The following RXFP1 variants were observed in gnomAD, a reference collection of about 807,000 sequenced individuals.
The protein encoded by RXFP1 is relaxin family peptide receptor 1.
Under a neutral mutation model 89.8 loss-of-function variants are expected in RXFP1, and 73 were observed. That is an observed-to-expected ratio of 0.81 (90% confidence interval 0.67 to 0.99). The LOEUF (loss-of-function observed/expected upper bound fraction) is 0.99, where lower values mean the gene tolerates loss of function less well. Among genes scored for constraint, RXFP1 ranks in the 50% least tolerant of loss-of-function variants. RXFP1 has a pLI of 0.00. For missense variants in RXFP1, 793 were observed against 895.5 expected (o/e 0.89, Z 1.46); for synonymous variants, 277 against 305.5 (o/e 0.91, Z 0.97).
intron 1 of RXFP1, among the ~76,000 whole-genome samples, chr4:158,542,110 T>TATATATATATATATA (rs56793848): frequency 4.4e-4 from 6 of 13,694 alleles, no homozygotes; most frequent in African/African-American, 8.1e-4. Context: ...TATATATATA[T>TATATATATATATATA]TTTTTTTTTA....
intron 1 of RXFP1, among the ~76,000 whole-genome samples, chr4:158,545,301 T>G (rs1043489994): frequency 2.6e-5 from 4 of 152,124 alleles, no homozygotes; most frequent in Non-Finnish European, 4.4e-5. Flanking sequence ...GGGTTGTTTG[T>G]TTTTTTCTTG....
At chr4:158,588,424 G>A (rs1199456706) in intron 2 of RXFP1, among the ~76,000 whole-genome samples, 1 of 152,108 alleles carries the variant, frequency 6.6e-6, no homozygotes, top group Non-Finnish European at 1.5e-5. Flanking sequence ...TGGAAGAGTG[G>A]GTGTAAACAA....
At chr4:158,541,608 T>C (rs1175260217) in intron 1 of RXFP1, among the ~76,000 whole-genome samples, 1 of 152,140 alleles carries the variant, frequency 6.6e-6, no homozygotes, top group African/African-American at 2.4e-5. Flanking sequence ...AGTATAATCA[T>C]ACCCATACAC....
At chr4:158,521,793 A>G, upstream of RXFP1, 2 of 542,752 alleles carry the variant, frequency 3.7e-6, no homozygotes, top group Non-Finnish European at 6.5e-6. Context: ...AGAAAGGAGG[A>G]AAGAAAAAAA....
At chr4:158,521,775 C>T, upstream of RXFP1, 1 of 530,094 alleles carries the variant, frequency 1.9e-6, no homozygotes, top group Middle Eastern at 3.4e-4. Context: ...AGGAGAGATC[C>T]TGAGAATAGA....
At chr4:158,565,470 A>G (rs1238219529) in intron 1 of RXFP1, among the ~76,000 whole-genome samples, 1 of 152,194 alleles carries the variant, frequency 6.6e-6, no homozygotes, top group Non-Finnish European at 1.5e-5. Context: ...TCTAAATACC[A>G]TTCTACCCAG....
intron 17 of RXFP1, among the ~76,000 whole-genome samples, 167 bp downstream of exon 17, chr4:158,648,884 G>A (rs1380815835): frequency 2.0e-5 from 3 of 152,158 alleles, no homozygotes; most frequent in Non-Finnish European, 4.4e-5. Context: ...AGGCCAAGAC[G>A]GGCAGCTCAC....
chr4:158,602,307 C>T (rs1761834891), intron 4 of RXFP1, among the ~76,000 whole-genome samples: 1 of 152,158 alleles, frequency 6.6e-6, no homozygotes, highest in Admixed American at 6.5e-5. Flanking sequence ...AGAGGTCTTT[C>T]AATGAGCCTC....
chr4:158,635,755 C>T (rs576819858), intron 12 of RXFP1, among the ~76,000 whole-genome samples: 1 of 152,154 alleles, frequency 6.6e-6, no homozygotes, highest in East Asian at 1.9e-4. Context: ...TCTCTCTTTC[C>T]TTCTTTCTGT....
intron 2 of RXFP1, among the ~76,000 whole-genome samples, chr4:158,588,330 C>G (rs904519274): frequency 6.6e-6 from 1 of 152,182 alleles, no homozygotes; most frequent in Non-Finnish European, 1.5e-5. Context: ...CTCCCCACAT[C>G]TGTCATTGTT....
intron 16 of RXFP1, 56 bp from the exon 17 acceptor site, chr4:158,648,443 T>A (rs375569474): frequency 1.9e-6 from 2 of 1,056,964 alleles, no homozygotes; most frequent in Non-Finnish European, 1.4e-6. Flanking sequence ...TTTATGTTTG[T>A]TCATTTTGAA....
At chr4:158,521,763 G>A (rs1741232451), upstream of RXFP1, 1 of 528,754 alleles carries the variant, frequency 1.9e-6, no homozygotes, top group South Asian at 2.6e-5. Context: ...AGGAGGGCGG[G>A]GAGGAGAGAT....
chr4:158,542,031 T>A (rs1430849954), intron 1 of RXFP1, among the ~76,000 whole-genome samples: 1 of 142,786 alleles, frequency 7.0e-6, no homozygotes. Flanking sequence ...GCGATTCTTC[T>A]GCCTCAGCCT....
chr4:158,618,129 T>A (rs928805996), intron 9 of RXFP1, among the ~76,000 whole-genome samples: 6 of 152,090 alleles, frequency 3.9e-5, no homozygotes, highest in African/African-American at 1.4e-4. Context: ...TACTGTACAT[T>A]GAAAACAAGC....
chr4:158,611,394 G>A (rs1763552832), intron 6 of RXFP1, among the ~76,000 whole-genome samples: 1 of 152,156 alleles, frequency 6.6e-6, no homozygotes, highest in Admixed American at 6.5e-5. Context: ...GATGGGTAAG[G>A]CAGAGTCAAA....
chr4:158,534,545 C>A (rs151204306), intron 1 of RXFP1, among the ~76,000 whole-genome samples: 178 of 152,242 alleles, frequency 1.2e-3, no homozygotes, highest in Admixed American at 3.4e-3. Flanking sequence ...CCGCGCCCGG[C>A]CTTATTCTGA....
At chr4:158,638,898 A>C (rs1769782992) in intron 13 of RXFP1, among the ~76,000 whole-genome samples, 1 of 151,972 alleles carries the variant, frequency 6.6e-6, no homozygotes, top group Non-Finnish European at 1.5e-5. Flanking sequence ...AAAATTTATT[A>C]ATTAAAAATT....
At chr4:158,623,502 C>CAAAAAAAAAAAAAA (rs56692438) in intron 9 of RXFP1, among the ~76,000 whole-genome samples, 31 of 42,628 alleles carry the variant, frequency 7.3e-4, no homozygotes, top group Non-Finnish European at 8.2e-4. Context: ...AACTCCATCT[C>CAAAAAAAAAAAAAA]AAAAAAAAAA....
intron 1 of RXFP1, among the ~76,000 whole-genome samples, chr4:158,562,551 A>AAAAAAAAAAAAC (rs1752710094): frequency 6.8e-6 from 1 of 147,022 alleles, no homozygotes; most frequent in Non-Finnish European, 1.5e-5. Flanking sequence ...AAAAAAAAAA[A>AAAAAAAAAAAAC]TACACATATT....
Sources: allele counts gnomAD v4.1 joint callset (sites outside exome capture counted in the v4.1 genomes callset), GRCh38; gene constraint gnomAD v4.1.1; transcripts MANE v1.5; gene names NCBI Gene and HGNC (gene_info 2026-07-23, HGNC 2026-07-21).